Variants in PHLDB2 observed in about 807,000 individuals in gnomAD.
PHLDB2 encodes pleckstrin homology like domain family B member 2, also known as pleckstrin homology-like domain family B member 2.
A neutral mutation model predicts 123.6 loss-of-function variants in PHLDB2; 71 were observed. The ratio of observed to expected loss-of-function variants is 0.57; its 90% CI spans 0.47 to 0.70. PHLDB2 has a LOEUF of 0.70. Ranked by LOEUF, PHLDB2 falls within the 30% of genes least tolerant of loss-of-function variation. The pLI is 0.00. For synonymous variants in PHLDB2, 547 were observed against 541.6 expected (o/e 1.01, Z -0.14); for missense variants, 1,446 against 1,519.5 (o/e 0.95, Z 0.80).
At chr3:111,823,268 G>A (rs768346962) in intron 1 of PHLDB2, among the ~76,000 whole-genome samples, 1 of 152,188 alleles carries the variant, frequency 6.6e-6, no homozygotes, top group Non-Finnish European at 1.5e-5. Flanking sequence ...TGTGGAATAG[G>A]TGTTCAATAA....
At chr3:111,954,658 G>C (rs899491587) in intron 12 of PHLDB2, among the ~76,000 whole-genome samples, 4 of 152,130 alleles carry the variant, frequency 2.6e-5, no homozygotes, top group African/African-American at 4.8e-5. Context: ...CTGTTGAGAG[G>C]ATTAGATTTC....
intron 10 of PHLDB2, among the ~76,000 whole-genome samples, chr3:111,950,710 C>G (rs967280789): frequency 1.3e-5 from 2 of 152,130 alleles, no homozygotes; most frequent in Non-Finnish European, 2.9e-5. Flanking sequence ...TAGGCGAGCT[C>G]TGGTTGGTCA....
Position 111,974,589 on chromosome 3 carries a change from G to C in PHLDB2, c.*26G>C. 1 of 1,577,158 alleles carries C rather than the reference G, an allele frequency of 6.3e-7. No individual in the cohort carries two copies. The highest frequency in any genetic ancestry group is 2.3e-5 in the East Asian group (1 of 43,662). The stretch of plus-strand genomic sequence containing the variant: ...TGAACTGAGGCAACAGTCCACTTCA[G>C]GGCAGACGGCAATAATCTCTTACAA... On this transcript the variant is annotated 3_prime_UTR_variant, in exon 18 of 18. Transcript: ENST00000431670.
upstream of PHLDB2, among the ~76,000 whole-genome samples, chr3:111,858,505 G>T (rs1475240102): frequency 4.6e-5 from 7 of 152,186 alleles, no homozygotes; most frequent in Non-Finnish European, 8.8e-5. Flanking sequence ...TTCCGTAGGT[G>T]AGGCTCTCCC....
chr3:111,966,527 G>GGTGTGT (rs3217516), intron 13 of PHLDB2, 86 bp from the exon 14 acceptor site: 21,333 of 617,698 alleles, frequency 0.035, 277 homozygotes, highest in South Asian at 0.1. Flanking sequence ...GTGTGTCTGG[G>GGTGTGT]GTGTGTGTGT....
chr3:111,831,069 A>C (rs10934111), intron 1 of PHLDB2, among the ~76,000 whole-genome samples: 21,626 of 141,802 alleles, frequency 0.15, 4,251 homozygotes, highest in African/African-American at 0.41. Context: ...AGAGATAGAG[A>C]GAAAAGAAGG....
At chr3:111,963,019 A>G (rs1471058526) in intron 13 of PHLDB2, among the ~76,000 whole-genome samples, 1 of 151,792 alleles carries the variant, frequency 6.6e-6, no homozygotes, top group Admixed American at 6.6e-5. Flanking sequence ...TTACCCTTGT[A>G]TTTGTTAAAA....
chr3:111,773,283 G>T (rs939642401), intron 1 of PHLDB2, among the ~76,000 whole-genome samples: 29 of 152,132 alleles, frequency 1.9e-4, no homozygotes, highest in African/African-American at 7.0e-4. Context: ...GAGAACTCAT[G>T]AATCTCATTT....
chr3:111,781,574 A>G (rs1187590595), intron 1 of PHLDB2, among the ~76,000 whole-genome samples: 1 of 152,082 alleles, frequency 6.6e-6, no homozygotes, highest in African/African-American at 2.4e-5. Flanking sequence ...TCTTTGTTCT[A>G]CCTTCTAAAT....
At chr3:111,789,158 GTCAA>G (rs2060811214) in intron 1 of PHLDB2, among the ~76,000 whole-genome samples, 1 of 152,182 alleles carries the variant, frequency 6.6e-6, no homozygotes. Context: ...CCCACTCCTG[GTCAA>G]TCAAAGAGGT....
intron 1 of PHLDB2, among the ~76,000 whole-genome samples, chr3:111,781,788 T>A (rs968370553): frequency 3.3e-5 from 5 of 152,106 alleles, no homozygotes; most frequent in African/African-American, 1.2e-4. Context: ...AAGTACAGTT[T>A]GGGGGAAAGG....
chr3:111,859,828 C>CTAGGGCGGCGGCGCCAGCG lies in PHLDB2; in HGVS notation c.-15+256_-15+274dup, dbSNP rs1233648325. On this transcript the variant is annotated intron_variant, in intron 1 of 17. Transcript: ENST00000431670. ...GGTGGGCGGGGGCAAAGGCTAGGCG[C>CTAGGGCGGCGGCGCCAGCG]TAGGGCGGCGGCGCCAGCGTAGAGC... The CTAGGGCGGCGGCGCCAGCG allele has an allele frequency of 5.1e-6, 5 of 985,676 alleles. No individual in the cohort carries two copies. In the African/African-American group the frequency reaches 8.7e-5, roughly 17 times the overall value. 61.1% of individuals were successfully genotyped at this position (985,676 alleles called of 1,614,324 possible).
intron 5 of PHLDB2, among the ~76,000 whole-genome samples, chr3:111,922,180 T>C (rs2068556927): frequency 6.6e-6 from 1 of 152,246 alleles, no homozygotes; most frequent in South Asian, 2.1e-4. Flanking sequence ...AGGTATCATG[T>C]TCCCTGTGAA....
At chr3:111,858,545 A>G (rs1395701635), upstream of PHLDB2, among the ~76,000 whole-genome samples, 1 of 152,204 alleles carries the variant, frequency 6.6e-6, no homozygotes, top group Non-Finnish European at 1.5e-5. Context: ...TGCACATATG[A>G]AAAGTGTAAT....
At chr3:111,889,393 C>CTTT in intron 2 of PHLDB2, among the ~76,000 whole-genome samples, 1 of 147,140 alleles carries the variant, frequency 6.8e-6, no homozygotes, top group Non-Finnish European at 1.5e-5. Context: ...CAAATCAGGT[C>CTTT]TTTTTTTTTT....
At chr3:111,871,810 A>T (rs1356315185) in intron 1 of PHLDB2, among the ~76,000 whole-genome samples, 2 of 152,338 alleles carry the variant, frequency 1.3e-5, no homozygotes, top group Middle Eastern at 3.4e-3. Flanking sequence ...TCTGATACAA[A>T]TGGAGCTGGA....
At chr3:111,778,932 G>A (rs771186792) in intron 1 of PHLDB2, among the ~76,000 whole-genome samples, 67 of 152,056 alleles carry the variant, frequency 4.4e-4, no homozygotes, top group Non-Finnish European at 8.5e-4. Flanking sequence ...GTTCCTTACT[G>A]ATTCCCTTTA....
intron 1 of PHLDB2, among the ~76,000 whole-genome samples, chr3:111,870,630 A>AT (rs141498181): frequency 4.7e-5 from 7 of 150,014 alleles, no homozygotes; most frequent in South Asian, 4.2e-4. Flanking sequence ...GTTGAACTAG[A>AT]TTTTTTTTTT....
intron 2 of PHLDB2, among the ~76,000 whole-genome samples, chr3:111,894,610 G>C (rs1337063693): frequency 2.0e-5 from 3 of 151,476 alleles, no homozygotes; most frequent in Admixed American, 6.6e-5. Flanking sequence ...TTTCTAACTG[G>C]TGTGAGATGG....
Sources: gnomAD v4.1 joint callset for allele counts (sites outside exome capture counted in the v4.1 genomes callset) on GRCh38, gnomAD v4.1.1 for gene constraint, MANE v1.5 for transcripts, NCBI Gene and HGNC (gene_info 2026-07-23, HGNC 2026-07-21) for gene names.